The following LRRN2 variants were observed in gnomAD, a reference collection of about 807,000 sequenced individuals.
LRRN2 encodes leucine-rich repeat neuronal protein 2.
Under a neutral mutation model 35.7 loss-of-function variants are expected in LRRN2, and 10 were observed. The ratio of observed to expected loss-of-function variants is 0.28; its 90% CI spans 0.17 to 0.47. The LOEUF is 0.47. Among genes scored for constraint, LRRN2 ranks in the 20% least tolerant of loss-of-function variants. The pLI, the probability that LRRN2 is intolerant of heterozygous loss-of-function variation, is 0.99. For missense variants in LRRN2, 731 were observed against 940.3 expected (o/e 0.78, Z 2.91); for synonymous variants, 391 against 409.6 (o/e 0.95, Z 0.55).
chr1:204,672,253 T>G (rs774990130), intron 1 of LRRN2, among the ~76,000 whole-genome samples: 1 of 152,172 alleles, frequency 6.6e-6, no homozygotes, highest in Non-Finnish European at 1.5e-5. Flanking sequence ...AGTTAGGAGC[T>G]TTCTGTCTAG....
intron 1 of LRRN2, among the ~76,000 whole-genome samples, chr1:204,682,606 G>A (rs1558426102): frequency 3.9e-5 from 6 of 152,218 alleles, no homozygotes; most frequent in Admixed American, 3.9e-4. Flanking sequence ...TTGTCAGCAC[G>A]ACTGAACAGA....
chr1:204,672,507 A>G (rs1668735534), intron 1 of LRRN2, among the ~76,000 whole-genome samples: 1 of 152,180 alleles, frequency 6.6e-6, no homozygotes, highest in Non-Finnish European at 1.5e-5. Flanking sequence ...ACAGTGAGAA[A>G]GCAGTGGGAC....
chr1:204,664,619 T>C (rs1668539192), intron 1 of LRRN2: 1 of 152,236 alleles, frequency 6.6e-6, no homozygotes, highest in Non-Finnish European at 1.5e-5. Flanking sequence ...AATGCCCCTT[T>C]CGCCTGTGAT....
Position 204,617,675 on chromosome 1 carries a change from T to C in LRRN2, c.*176A>G. On this transcript the variant is annotated 3_prime_UTR_variant, in exon 2 of 2. Coordinates refer to ENST00000367177, the MANE Select transcript of LRRN2 (RefSeq NM_201630.2). ...ACCCTAGGAGGTAAGGGCAACTTTT[T>C]CGAGGCTGCAGAAGCACCCCCAGGG... The C allele has an allele frequency of 1.4e-6, 1 of 705,428 alleles. No homozygotes were observed. The highest frequency in any genetic ancestry group is 2.4e-6 in the Non-Finnish European group (1 of 416,008). 43.7% of individuals were successfully genotyped at this position (705,428 alleles called of 1,614,324 possible).
At chr1:204,622,794 G>A (rs963220990) in intron 1 of LRRN2, among the ~76,000 whole-genome samples, 7 of 151,970 alleles carry the variant, frequency 4.6e-5, no homozygotes, top group Admixed American at 2.0e-4. Context: ...CAGACCTACC[G>A]GCAAATAGAT....
chr1:204,683,599 G>A (rs1669000766), intron 1 of LRRN2, among the ~76,000 whole-genome samples: 1 of 152,138 alleles, frequency 6.6e-6, no homozygotes, highest in Non-Finnish European at 1.5e-5. Context: ...ACTGCCACTC[G>A]GTGTTTCCCC....
At position 204,685,491 on chromosome 1, in the gene LRRN2, G is replaced by C. The variant is rs1669052339; in HGVS notation, c.-398C>G. ...CCTCCCCAACGTGGAGTTATCCTGG[G>C]AGCGGCTCCAGGGCCCAGCCGGTGA... On this transcript the variant is annotated 5_prime_UTR_variant, in exon 1 of 2. Coordinates refer to ENST00000367177, the MANE Select transcript of LRRN2 (RefSeq NM_201630.2). The C allele has an allele frequency of 6.6e-6, 1 of 151,524 alleles. No individual in the cohort carries two copies. The highest frequency in any genetic ancestry group is 2.4e-5 in the African/African-American group (1 of 41,326). 9.4% of individuals were successfully genotyped at this position (151,524 alleles called of 1,614,324 possible).
intron 1 of LRRN2, among the ~76,000 whole-genome samples, chr1:204,655,468 T>C (rs1178902610): frequency 6.6e-6 from 1 of 150,858 alleles, no homozygotes; most frequent in African/African-American, 2.4e-5. Flanking sequence ...TTTAAAAATG[T>C]TTTTGTTTCT....
intron 1 of LRRN2, among the ~76,000 whole-genome samples, chr1:204,636,464 A>T (rs1353210830): frequency 1.3e-5 from 2 of 152,230 alleles, no homozygotes; most frequent in Non-Finnish European, 2.9e-5. Flanking sequence ...GGCCAGGCAC[A>T]GTGGCTCGTG....
At chr1:204,653,727 T>C (rs1011436239) in intron 1 of LRRN2, among the ~76,000 whole-genome samples, 1 of 151,754 alleles carries the variant, frequency 6.6e-6, no homozygotes, top group African/African-American at 2.4e-5. Context: ...CCAGGTGTGG[T>C]GGTGTGCAAC....
At chr1:204,673,021 T>C (rs1202011835) in intron 1 of LRRN2, among the ~76,000 whole-genome samples, 1 of 152,160 alleles carries the variant, frequency 6.6e-6, no homozygotes, top group Admixed American at 6.5e-5. Context: ...CATACATGGT[T>C]GACCGAGGGC....
At chr1:204,627,169 T>TCCC in intron 1 of LRRN2, 1 of 152,344 alleles carries the variant, frequency 6.6e-6, no homozygotes, top group Non-Finnish European at 1.5e-5. Flanking sequence ...CATCCCATCC[T>TCCC]TCTGTGAGGG....
At chr1:204,627,589 T>G (rs190070050) in intron 1 of LRRN2, among the ~76,000 whole-genome samples, 5 of 152,042 alleles carry the variant, frequency 3.3e-5, no homozygotes, top group Admixed American at 3.3e-4. Context: ...TAATTAGGAG[T>G]GGAAGGTGCC....
intron 1 of LRRN2, among the ~76,000 whole-genome samples, chr1:204,630,292 C>T (rs1345527074): frequency 1.3e-5 from 2 of 151,002 alleles, no homozygotes; most frequent in Admixed American, 1.3e-4. Flanking sequence ...GAGGAAAGGA[C>T]CCTCAGGGAA....
chr1:204,685,371 C>G lies in LRRN2; in HGVS notation c.-278G>C, dbSNP rs923738358. ...GTCTGCTGCCCGCGCGGCCGCGCTC[C>G]GCTCGCCTTCCGCCCGGGGCCGGGC... On this transcript the variant is annotated 5_prime_UTR_variant, in exon 1 of 2. Transcript: ENST00000367177. The G allele has an allele frequency of 5.3e-5, 8 of 151,616 alleles. No homozygotes were observed. Among genetic ancestry groups the G allele is most frequent in the Non-Finnish European group, 7.4e-5 (5 of 67,964 alleles). The allele number at this position is 151,616 out of a possible 1,614,324, so 9.4% of individuals were successfully genotyped here.
chr1:204,666,266 T>A (rs893111256), intron 1 of LRRN2, among the ~76,000 whole-genome samples: 1 of 152,216 alleles, frequency 6.6e-6, no homozygotes, highest in Non-Finnish European at 1.5e-5. Flanking sequence ...TGTCTAGGCA[T>A]AGGAATAAGT....
intron 1 of LRRN2, among the ~76,000 whole-genome samples, chr1:204,633,898 C>T (rs7542085): frequency 6.6e-6 from 1 of 152,028 alleles, no homozygotes; most frequent in Non-Finnish European, 1.5e-5. Flanking sequence ...TTCAAGAGAA[C>T]GCCCTTTCCA....
At chr1:204,637,251 C>A (rs1667857719) in intron 1 of LRRN2, among the ~76,000 whole-genome samples, 1 of 152,236 alleles carries the variant, frequency 6.6e-6, no homozygotes, top group African/African-American at 2.4e-5. Flanking sequence ...AAATGAGCTT[C>A]TTTCCTCTGC....
intron 1 of LRRN2, among the ~76,000 whole-genome samples, chr1:204,671,675 A>AAAAC (rs1558422544): frequency 5.4e-5 from 6 of 111,500 alleles, no homozygotes; most frequent in South Asian, 2.9e-4. Context: ...AAAAAAGCAA[A>AAAAC]GGTGCCAATG....
Sources: allele counts gnomAD v4.1 joint callset (sites outside exome capture counted in the v4.1 genomes callset), GRCh38; gene constraint gnomAD v4.1.1; transcripts MANE v1.5; gene names NCBI Gene and HGNC (gene_info 2026-07-23, HGNC 2026-07-21).